Variants in FAF1 observed in about 807,000 individuals in gnomAD.
FAF1 encodes Fas associated factor 1, also known as FAS-associated factor 1.
Under a neutral mutation model 92.5 loss-of-function variants are expected in FAF1, and 25 were observed. The observed-to-expected ratio is 0.27, with a 90% CI of 0.20 to 0.38. The LOEUF (loss-of-function observed/expected upper bound fraction) is 0.38. Ranked by LOEUF, FAF1 falls within the 10% of genes least tolerant of loss-of-function variation. The probability of loss-of-function intolerance (pLI) is 1.00; values close to 1 mark genes in which losing one functional copy is unlikely to be tolerated. For synonymous variants in FAF1, 234 were observed against 273.2 expected (o/e 0.86, Z 1.42); for missense variants, 636 against 793.3 (o/e 0.80, Z 2.38).
chr1:50,950,261 T>G (rs905650952), intron 1 of FAF1, among the ~76,000 whole-genome samples: 4 of 152,208 alleles, frequency 2.6e-5, no homozygotes, highest in African/African-American at 9.6e-5. Context: ...CCAGTCTACC[T>G]AAGTACAATG....
intron 1 of FAF1, among the ~76,000 whole-genome samples, chr1:50,954,210 G>A (rs1369808194): frequency 6.6e-6 from 1 of 152,140 alleles, no homozygotes; most frequent in East Asian, 1.9e-4. Flanking sequence ...GCCTCCCAAA[G>A]GCCACCACGC....
At chr1:50,647,770 A>G (rs919647529) in intron 8 of FAF1, among the ~76,000 whole-genome samples, 66 of 152,196 alleles carry the variant, frequency 4.3e-4, no homozygotes, top group Non-Finnish European at 4.0e-4. Flanking sequence ...GGAGACTGAG[A>G]TCCATAGACA....
chr1:50,694,146 G>A (rs555040915), intron 7 of FAF1, among the ~76,000 whole-genome samples: 2 of 145,846 alleles, frequency 1.4e-5, no homozygotes, highest in Admixed American at 6.6e-5. Context: ...AGATTTCCTT[G>A]TTTAGGATAT....
Position 50,960,016 on chromosome 1 carries a change from C to T in FAF1, c.-205G>A. The stretch of plus-strand genomic sequence containing the variant: ...CATGCACTCGGTAACCTTCAGGCGC[C>T]CCGGCCGCCCGCCTGCAACCTGCGG... On this transcript the variant is annotated 5_prime_UTR_variant, in exon 1 of 19. Transcript: ENST00000396153. 5.1e-6 allele frequency: 2 copies of T among 395,156 alleles called. No individual in the cohort carries two copies. Among genetic ancestry groups the T allele is most frequent in the Non-Finnish European group, 4.5e-6 (1 of 224,098 alleles). The allele number at this position is 395,156 out of a possible 1,614,324, so 24.5% of individuals were successfully genotyped here. A position where few individuals can be genotyped will look rare whatever the true frequency, so the allele number is the denominator to read the frequency against.
In FAF1 at chr1:50,583,752, A is replaced by C; in HGVS notation, c.968-37T>G. 2 of 1,433,180 alleles carry C rather than the reference A, an allele frequency of 1.4e-6. No homozygotes were observed. Among genetic ancestry groups the C allele is most frequent in the Non-Finnish European group, 1.9e-6 (2 of 1,033,886 alleles). The allele number at this position is 1,433,180 out of a possible 1,614,324, so 88.8% of individuals were successfully genotyped here. A position where few individuals can be genotyped will look rare whatever the true frequency, so the allele number is the denominator to read the frequency against. ...ACAAAAGAAAAAACAAAAACAAAAA[A>C]ACAAAACAAATAGACACAAAAACAA... On this transcript the variant is annotated intron_variant, in intron 10 of 18. Coordinates refer to ENST00000396153, the MANE Select transcript of FAF1 (RefSeq NM_007051.3). This position sits in a 1 kb window ranked among gnomAD's most constrained non-coding sequence, Gnocchi z 4.2.
At chr1:50,570,868 G>C (rs1650405205) in intron 12 of FAF1, among the ~76,000 whole-genome samples, 1 of 152,218 alleles carries the variant, frequency 6.6e-6, no homozygotes, top group Non-Finnish European at 1.5e-5. Flanking sequence ...GGCCAAAAGA[G>C]TGAGAACTGG....
At chr1:50,939,642 A>G (rs1332223567) in intron 1 of FAF1, among the ~76,000 whole-genome samples, 1 of 152,150 alleles carries the variant, frequency 6.6e-6, no homozygotes, top group Non-Finnish European at 1.5e-5. Context: ...CCCATTAAGT[A>G]TGATGTTGGC....
chr1:50,913,256 A>G (rs1644898520), intron 1 of FAF1, among the ~76,000 whole-genome samples: 1 of 152,224 alleles, frequency 6.6e-6, no homozygotes, highest in Admixed American at 6.5e-5. Context: ...ATACTTGTTA[A>G]AAGGATGAAT....
intron 1 of FAF1, among the ~76,000 whole-genome samples, chr1:50,869,674 T>C (rs1349252332): frequency 6.6e-6 from 1 of 152,204 alleles, no homozygotes; most frequent in Admixed American, 6.5e-5. Flanking sequence ...TTATCTTCTA[T>C]ACCATTTTTT....
intron 1 of FAF1, among the ~76,000 whole-genome samples, chr1:50,863,894 C>T (rs1163742414): frequency 2.0e-5 from 3 of 152,056 alleles, no homozygotes; most frequent in African/African-American, 7.2e-5. Flanking sequence ...TGTTATTGGT[C>T]TATTCAGAGA....
intron 1 of FAF1, among the ~76,000 whole-genome samples, chr1:50,875,817 CCT>C (rs942802477): frequency 6.6e-6 from 1 of 152,130 alleles, no homozygotes; most frequent in African/African-American, 2.4e-5. Flanking sequence ...AACTTACCCC[CCT>C]AACTGAAATT....
intron 6 of FAF1, among the ~76,000 whole-genome samples, chr1:50,737,217 C>CA (rs1659178052): frequency 6.6e-6 from 1 of 152,160 alleles, no homozygotes; most frequent in Non-Finnish European, 1.5e-5. Flanking sequence ...ATAAACACTG[C>CA]ATTTCAGCAG....
intron 2 of FAF1, among the ~76,000 whole-genome samples, chr1:50,815,472 C>T (rs1398167070): frequency 6.6e-6 from 1 of 152,146 alleles, no homozygotes. Flanking sequence ...TGTTGATGGA[C>T]ACCTAGATTG....
chr1:50,627,352 G>A (rs1021611957), intron 8 of FAF1, among the ~76,000 whole-genome samples: 6 of 152,102 alleles, frequency 3.9e-5, no homozygotes, highest in Admixed American at 1.3e-4. Flanking sequence ...ATGAAAAAGC[G>A]TCTCAGGAAG....
intron 2 of FAF1, among the ~76,000 whole-genome samples, chr1:50,830,236 G>C (rs192660719): frequency 6.6e-6 from 1 of 152,290 alleles, no homozygotes; most frequent in Non-Finnish European, 1.5e-5. Context: ...TGCTGCCTCA[G>C]CCTCCAGTGT....
At chr1:50,627,601 G>A (rs1653564822) in intron 8 of FAF1, among the ~76,000 whole-genome samples, 1 of 151,910 alleles carries the variant, frequency 6.6e-6, no homozygotes, top group South Asian at 2.1e-4. Flanking sequence ...GGGAGTGAAA[G>A]AGACAAATAG....
chr1:50,831,229 C>T (rs1448953962), intron 2 of FAF1, among the ~76,000 whole-genome samples: 1 of 152,084 alleles, frequency 6.6e-6, no homozygotes, highest in African/African-American at 2.4e-5. Flanking sequence ...TCTTTAAGTG[C>T]ACTCCGTGAT....
At chr1:50,844,701 A>G (rs1161681086) in intron 2 of FAF1, among the ~76,000 whole-genome samples, 1 of 151,990 alleles carries the variant, frequency 6.6e-6, no homozygotes, top group Non-Finnish European at 1.5e-5. Flanking sequence ...GTATCAATAA[A>G]TTAGAGATGC....
chr1:50,935,467 ACTCT>A (rs763511246), intron 1 of FAF1, among the ~76,000 whole-genome samples: 1 of 145,402 alleles, frequency 6.9e-6, no homozygotes, highest in African/African-American at 2.6e-5. Context: ...GGCCTGATTT[ACTCT>A]CTCTTTTTTT....
Sources: gnomAD v4.1 joint callset for allele counts (sites outside exome capture counted in the v4.1 genomes callset) on GRCh38, gnomAD v4.1.1 for gene constraint, Gnocchi (gnomAD v3.1) non-coding constraint, MANE v1.5 for transcripts, NCBI Gene and HGNC (gene_info 2026-07-23, HGNC 2026-07-21) for gene names.